DCC: variants seen among roughly 807,000 people sequenced by gnomAD.
DCC encodes the protein DCC netrin 1 receptor.
Under a neutral mutation model 172.5 loss-of-function variants are expected in DCC, and 58 were observed. That is an observed-to-expected ratio of 0.34 (90% CI 0.27 to 0.42). DCC has a LOEUF of 0.42. Among genes scored for constraint, DCC ranks in the 10% least tolerant of loss-of-function variants. The pLI, the probability that DCC is intolerant of heterozygous loss-of-function variation, is 1.00. For synonymous variants in DCC, 709 were observed against 644.5 expected, an observed-to-expected ratio of 1.10 and a Z score of -1.52; for missense variants, 1,740 against 1,791.0, an observed-to-expected ratio of 0.97 and a Z score of 0.51.
intron 13 of DCC, among the ~76,000 whole-genome samples, chr18:53,319,687 G>A (rs953682957): frequency 6.6e-6 from 1 of 152,224 alleles, no homozygotes; most frequent in Non-Finnish European, 1.5e-5. Flanking sequence ...AAAAATCACT[G>A]GGCAGGCCAT....
intron 7 of DCC, among the ~76,000 whole-genome samples, chr18:53,091,844 TATCTATCA>T (rs1321314363): frequency 0.027 from 1,574 of 58,852 alleles, 12 homozygotes; most frequent in Middle Eastern, 0.058. Flanking sequence ...TCTATCTATC[TATCTATCA>T]ATCTATCTAT....
intron 1 of DCC, among the ~76,000 whole-genome samples, chr18:52,700,148 A>C (rs528892708): frequency 7.8e-4 from 118 of 151,068 alleles, no homozygotes; most frequent in East Asian, 2.9e-3. Flanking sequence ...CTCTTGCCCC[A>C]CACACACACA....
chr18:53,419,766 A>G (rs986626587), intron 21 of DCC, among the ~76,000 whole-genome samples: 1 of 152,140 alleles, frequency 6.6e-6, no homozygotes, highest in Non-Finnish European at 1.5e-5. Flanking sequence ...TGTCTATTGA[A>G]ACACAGCTAG....
At chr18:52,723,148 T>C (rs1342559032) in intron 1 of DCC, among the ~76,000 whole-genome samples, 2 of 152,204 alleles carry the variant, frequency 1.3e-5, no homozygotes, top group East Asian at 1.9e-4. Context: ...CGGAAATTCA[T>C]AGGATGTTCT....
At chr18:53,481,394 A>C (rs1164443073) in intron 25 of DCC, among the ~76,000 whole-genome samples, 1 of 152,188 alleles carries the variant, frequency 6.6e-6, no homozygotes. Context: ...CATATTTATG[A>C]ATCTTAGGGC....
At chr18:53,177,195 G>A (rs1324141459) in intron 8 of DCC, among the ~76,000 whole-genome samples, 1 of 151,676 alleles carries the variant, frequency 6.6e-6, no homozygotes, top group Non-Finnish European at 1.5e-5. Context: ...GGGGGGAGCG[G>A]GGGAGGGATA....
At chr18:52,944,454 A>G (rs1950283290) in intron 5 of DCC, among the ~76,000 whole-genome samples, 1 of 152,210 alleles carries the variant, frequency 6.6e-6, no homozygotes, top group Non-Finnish European at 1.5e-5. Context: ...GCCTAAAGGC[A>G]CAATATTTGT....
intron 27 of DCC, chr18:53,505,191 T>C (rs750143852): frequency 8.6e-5 from 13 of 150,492 alleles, no homozygotes; most frequent in Non-Finnish European, 1.9e-4. Flanking sequence ...GCTGGAGCAC[T>C]CTGGAATAGC....
chr18:53,386,058 A>G lies in DCC; in HGVS notation c.2375A>G (p.Tyr792Cys). ...SIERLESSSH[Y>C]VISLKAFNNA... ...TTTTCTCCAGAGTCAAGTTCCCATT[A>G]TGTAATCTCCCTAAAAGCTTTTAAC... The change falls in exon 16 of 29, where the codon TAT (tyrosine) becomes TGT (cysteine). Residue 792 changes from tyrosine to cysteine, a missense_variant. By Grantham distance (194) the Tyr-to-Cys change is radical (BLOSUM62 -2). Coordinates refer to ENST00000442544, the MANE Select transcript of DCC (RefSeq NM_005215.4). The G allele has an allele frequency of 6.2e-7, 1 of 1,610,814 alleles. No individual in the cohort carries two copies. The highest frequency in any genetic ancestry group is 8.5e-7 in the Non-Finnish European group (1 of 1,177,020).
At chr18:52,716,742 C>T (rs2145066240) in intron 1 of DCC, among the ~76,000 whole-genome samples, 1 of 152,338 alleles carries the variant, frequency 6.6e-6, no homozygotes, top group African/African-American at 2.4e-5. Context: ...AGACTATGTC[C>T]TAGCTCCCTG....
chr18:53,195,814 A>T (rs1271252327), intron 9 of DCC, among the ~76,000 whole-genome samples: 1 of 152,148 alleles, frequency 6.6e-6, no homozygotes, highest in Non-Finnish European at 1.5e-5. Flanking sequence ...TCATCAATAG[A>T]TCTATTTCTG....
At chr18:53,498,624 A>G (rs2046056910) in intron 26 of DCC, among the ~76,000 whole-genome samples, 1 of 151,860 alleles carries the variant, frequency 6.6e-6, no homozygotes, top group African/African-American at 2.4e-5. Flanking sequence ...AGGCACTCAC[A>G]GTAACCGTGC....
intron 1 of DCC, among the ~76,000 whole-genome samples, chr18:52,473,889 T>C (rs1989015382): frequency 6.6e-6 from 1 of 152,068 alleles, no homozygotes; most frequent in African/African-American, 2.4e-5. Context: ...ACTCTTGAAA[T>C]GGTGATAATG....
intron 2 of DCC, among the ~76,000 whole-genome samples, chr18:52,861,743 T>C (rs1165553527): frequency 6.6e-6 from 1 of 152,200 alleles, no homozygotes; most frequent in Non-Finnish European, 1.5e-5. Context: ...TTAGCAATAT[T>C]TATGATTACG....
At chr18:53,092,496 TCATAA>T (rs895237219) in intron 7 of DCC, among the ~76,000 whole-genome samples, 3 of 152,146 alleles carry the variant, frequency 2.0e-5, no homozygotes, top group Admixed American at 1.3e-4. Context: ...AAAATATATA[TCATAA>T]CATATGTTTT....
At chr18:53,352,252 T>C (rs1472396354) in intron 15 of DCC, among the ~76,000 whole-genome samples, 2 of 152,144 alleles carry the variant, frequency 1.3e-5, no homozygotes, top group African/African-American at 4.8e-5. Flanking sequence ...TGCCAGAGTT[T>C]AATCATAGAG....
intron 5 of DCC, among the ~76,000 whole-genome samples, chr18:52,992,526 C>T (rs866093447): frequency 4.6e-5 from 7 of 152,126 alleles, no homozygotes; most frequent in African/African-American, 1.2e-4. Flanking sequence ...AGTTCTTCTA[C>T]GGCTATAGAC....
At chr18:52,540,597 CTT>C (rs71175505) in intron 1 of DCC, among the ~76,000 whole-genome samples, 220 of 67,374 alleles carry the variant, frequency 3.3e-3, no homozygotes, top group African/African-American at 0.014. Context: ...ATTCAACTGC[CTT>C]TTTTTTTTTT....
chr18:53,043,866 C>A (rs1599061229), intron 5 of DCC, among the ~76,000 whole-genome samples: 1 of 152,022 alleles, frequency 6.6e-6, no homozygotes, highest in East Asian at 1.9e-4. Context: ...TCACACACCA[C>A]ACTCACTATT....
Sources: gnomAD v4.1 joint callset for allele counts (sites outside exome capture counted in the v4.1 genomes callset) on GRCh38, gnomAD v4.1.1 for gene constraint, MANE v1.5 for transcripts, NCBI Gene and HGNC (gene_info 2026-07-23, HGNC 2026-07-21) for gene names.